Variants in RCAN1 observed in about 807,000 individuals in gnomAD.
The protein encoded by RCAN1 is regulator of calcineurin 1, also known as calcipressin-1.
Under a neutral mutation model 22.9 loss-of-function variants are expected in RCAN1, and 11 were observed. The ratio of observed to expected loss-of-function variants is 0.48; its 90% CI spans 0.30 to 0.79. The LOEUF is 0.79. Among genes scored for constraint, RCAN1 ranks in the 30% least tolerant of loss-of-function variants. The pLI is 0.06. For missense variants in RCAN1, 291 were observed against 337.8 expected (o/e 0.86, Z 1.09); for synonymous variants, 136 against 142.3 (o/e 0.96, Z 0.32).
intron 1 of RCAN1, among the ~76,000 whole-genome samples, chr21:34,608,880 C>T (rs1474263050): frequency 2.0e-5 from 3 of 152,130 alleles, no homozygotes; most frequent in Admixed American, 6.5e-5. Context: ...CCCAGAGTCA[C>T]ACTGCATAAG....
At chr21:34,585,612 G>A (rs542616338) in intron 1 of RCAN1, among the ~76,000 whole-genome samples, 76 of 151,796 alleles carry the variant, frequency 5.0e-4, no homozygotes, top group Non-Finnish European at 8.8e-4. Flanking sequence ...GCATGGTGGC[G>A]GGCACCTGTA....
At chr21:34,536,495 G>A (rs564587657) in intron 1 of RCAN1, among the ~76,000 whole-genome samples, 5 of 152,272 alleles carry the variant, frequency 3.3e-5, no homozygotes, top group South Asian at 2.1e-4. Flanking sequence ...ACAACCCCAC[G>A]GCTGGTTCAT....
chr21:34,575,566 A>C (rs1054865783), intron 1 of RCAN1, among the ~76,000 whole-genome samples: 1 of 152,206 alleles, frequency 6.6e-6, no homozygotes, highest in African/African-American at 2.4e-5. Flanking sequence ...TCTGTCACCC[A>C]GGTTGGAGTG....
Position 34,519,626 on chromosome 21 carries a change from T to C in RCAN1, c.587-1370A>G, listed in dbSNP as rs551840045. On this transcript the variant is annotated intron_variant, in intron 3 of 3. Coordinates refer to ENST00000313806, the MANE Select transcript of RCAN1 (RefSeq NM_004414.7). ...GTTGGCCAGGATGGTCTTGATCTCC[T>C]GACCTCGTGATCCGCCTGCCTCAGC... 3.9e-5 allele frequency among the ~76,000 whole-genome samples: 6 copies of C among 152,230 alleles called. No homozygotes were observed. The South Asian group carries it at 1.2e-3, about 32-fold the overall frequency.
chr21:34,535,968 G>A (rs1985652344), intron 1 of RCAN1, among the ~76,000 whole-genome samples: 2 of 151,956 alleles, frequency 1.3e-5, no homozygotes, highest in Admixed American at 6.6e-5. Context: ...GAGGAAGAGT[G>A]TGTACAAATG....
At chr21:34,520,043 C>G (rs566775528) in intron 3 of RCAN1, among the ~76,000 whole-genome samples, 109 of 152,230 alleles carry the variant, frequency 7.2e-4, no homozygotes, top group Non-Finnish European at 1.3e-3. Flanking sequence ...TACTAATCAT[C>G]GAAAATCCAG....
At chr21:34,558,988 C>A (rs576420086) in intron 1 of RCAN1, among the ~76,000 whole-genome samples, 1 of 152,312 alleles carries the variant, frequency 6.6e-6, no homozygotes, top group Admixed American at 6.5e-5. Context: ...GTATTAATAT[C>A]TATGCTAATG....
intron 1 of RCAN1, chr21:34,526,623 T>C (rs1985072063): frequency 6.3e-7 from 1 of 1,595,000 alleles, no homozygotes; most frequent in African/African-American, 1.4e-5. Flanking sequence ...GCATAATGCT[T>C]TGAAAACTAA....
At chr21:34,564,153 C>G (rs1014569863) in intron 1 of RCAN1, among the ~76,000 whole-genome samples, 1 of 152,078 alleles carries the variant, frequency 6.6e-6, no homozygotes, top group Non-Finnish European at 1.5e-5. Context: ...ATAAAACCAT[C>G]AGATCTCAGG....
At chr21:34,575,625 C>T (rs1325338299) in intron 1 of RCAN1, among the ~76,000 whole-genome samples, 1 of 152,164 alleles carries the variant, frequency 6.6e-6, no homozygotes, top group Non-Finnish European at 1.5e-5. Flanking sequence ...CGGGCTCAAA[C>T]AATCTGCCCA....
At chr21:34,580,382 T>C (rs937347571) in intron 1 of RCAN1, among the ~76,000 whole-genome samples, 3 of 152,148 alleles carry the variant, frequency 2.0e-5, no homozygotes, top group Non-Finnish European at 4.4e-5. Context: ...CTGGCTGATA[T>C]GGAAACTGGC....
At chr21:34,562,320 G>A (rs2284591) in intron 1 of RCAN1, among the ~76,000 whole-genome samples, 36,854 of 152,060 alleles carry the variant, frequency 0.24, 5,220 homozygotes, top group African/African-American at 0.39. Context: ...TGACTTCCCC[G>A]AATATTCTGC....
intron 1 of RCAN1, among the ~76,000 whole-genome samples, chr21:34,591,404 C>T (rs537497064): frequency 1.3e-5 from 2 of 152,108 alleles, no homozygotes; most frequent in Admixed American, 6.5e-5. Flanking sequence ...AAGACCTAAC[C>T]AAGGTGAGCC....
At chr21:34,574,004 A>G (rs1197880709) in intron 1 of RCAN1, among the ~76,000 whole-genome samples, 1 of 152,222 alleles carries the variant, frequency 6.6e-6, no homozygotes, top group Non-Finnish European at 1.5e-5. Context: ...CAGAAATCAA[A>G]GGGCAGAGCT....
At chr21:34,526,867 G>C in intron 1 of RCAN1, 1 of 1,462,610 alleles carries the variant, frequency 6.8e-7, no homozygotes, top group African/African-American at 1.5e-5. Flanking sequence ...GTAAGGGCCA[G>C]CCCCCACTCC....
intron 1 of RCAN1, among the ~76,000 whole-genome samples, chr21:34,578,676 C>A (rs143506895): frequency 1.8e-3 from 276 of 152,326 alleles, no homozygotes; most frequent in African/African-American, 6.5e-3. Flanking sequence ...TTGCTAAGGG[C>A]TCTGGAAGAA....
At chr21:34,609,743 G>A (rs977921859) in intron 1 of RCAN1, among the ~76,000 whole-genome samples, 2 of 152,190 alleles carry the variant, frequency 1.3e-5, no homozygotes. Flanking sequence ...GGTGACAGCA[G>A]ATTGAGCTGA....
rs1986569731 is a variant in RCAN1, at chr21:34,556,294, T to C, written c.253-32584A>G. Among the ~76,000 whole-genome samples the C allele has an allele frequency of 1.3e-5, 2 of 150,748 alleles. 1 individual carries two copies. Among genetic ancestry groups the C allele is most frequent in the Non-Finnish European group, 3.0e-5 (2 of 67,742 alleles). ...TAGAAAAATTAGCCGGACATGGTGG[T>C]GTGCGCCTCTAGTCCCAGTTACTTG... On this transcript the variant is annotated intron_variant, in intron 1 of 3. Transcript: ENST00000313806.
At chr21:34,520,584 C>T (rs761312876) in intron 3 of RCAN1, among the ~76,000 whole-genome samples, 2 of 152,188 alleles carry the variant, frequency 1.3e-5, no homozygotes, top group Non-Finnish European at 2.9e-5. Flanking sequence ...AAGGGAACAT[C>T]AGATTGCTGG....
Sources: allele counts gnomAD v4.1 joint callset (sites outside exome capture counted in the v4.1 genomes callset), GRCh38; gene constraint gnomAD v4.1.1; transcripts MANE v1.5; gene names NCBI Gene and HGNC (gene_info 2026-07-23, HGNC 2026-07-21).